ANLN: variants seen among roughly 807,000 people sequenced by gnomAD.
ANLN encodes the protein anillin.
A neutral mutation model predicts 135.1 loss-of-function variants in ANLN; 59 were observed. That is an observed-to-expected ratio of 0.44 (90% CI 0.35 to 0.54). The LOEUF (loss-of-function observed/expected upper bound fraction) is 0.54. Among genes scored for constraint, ANLN ranks in the 20% least tolerant of loss-of-function variants. The probability of loss-of-function intolerance (pLI) is 0.00; values close to 1 mark genes in which losing one functional copy is unlikely to be tolerated. For synonymous variants in ANLN, 406 were observed against 456.4 expected (o/e 0.89, Z 1.41); for missense variants, 1,182 against 1,340.0 (o/e 0.88, Z 1.84).
intron 3 of ANLN, among the ~76,000 whole-genome samples, chr7:36,405,524 C>T (rs1420487024): frequency 1.3e-5 from 2 of 152,182 alleles, no homozygotes; most frequent in African/African-American, 4.8e-5. Context: ...TGCTATGAAC[C>T]TTGGCTTCCC....
rs557557418 is a variant in ANLN, at chr7:36,444,859, A to G, written c.3078+997A>G. 1.8e-4 allele frequency among the ~76,000 whole-genome samples: 28 copies of G among 152,220 alleles called. 1 individual carries two copies. Among genetic ancestry groups the G allele is most frequent in the Admixed American group, 1.2e-3 (19 of 15,300 alleles). On this transcript the variant is annotated intron_variant, in intron 22 of 23. Transcript: ENST00000265748. ...AAATATTCTAACATCTTTCAGCATC[A>G]GTAAAGATAAGTCTAATGCTGTGTT... is the stretch of plus-strand genomic sequence containing the variant.
At chr7:36,421,193 A>AGCTC (rs1787861400) in intron 12 of ANLN, among the ~76,000 whole-genome samples, 1 of 151,528 alleles carries the variant, frequency 6.6e-6, no homozygotes, top group African/African-American at 2.4e-5. Context: ...TCAGCCTCCC[A>AGCTC]AGTAGCTGAG....
chr7:36,426,455 C>A (rs1788081341), intron 19 of ANLN, among the ~76,000 whole-genome samples: 1 of 152,104 alleles, frequency 6.6e-6, no homozygotes, highest in Non-Finnish European at 1.5e-5. Flanking sequence ...GAAAGGCCTT[C>A]TTTAGAATGA....
intron 7 of ANLN, among the ~76,000 whole-genome samples, chr7:36,412,670 T>G (rs1357853702): frequency 6.6e-6 from 1 of 152,118 alleles, no homozygotes; most frequent in African/African-American, 2.4e-5. Flanking sequence ...ATTCACTTGC[T>G]TAAAATCTTG....
chr7:36,406,638 G>T, intron 4 of ANLN, 72 bp downstream of exon 4: 1 of 1,311,018 alleles, frequency 7.6e-7, no homozygotes, highest in Non-Finnish European at 1.0e-6. Context: ...ACATCTGTGT[G>T]TATGTGCAGG....
chr7:36,431,505 G>A (rs1212040966), intron 20 of ANLN, among the ~76,000 whole-genome samples: 1 of 140,526 alleles, frequency 7.1e-6, no homozygotes, highest in African/African-American at 2.6e-5. Context: ...TGTTACTTTA[G>A]ATATCTGTCT....
chr7:36,443,297 C>T (rs995288884), intron 21 of ANLN, among the ~76,000 whole-genome samples: 4 of 152,112 alleles, frequency 2.6e-5, no homozygotes, highest in African/African-American at 9.7e-5. Flanking sequence ...CTTTTCTAAT[C>T]CTGTTAGAAA....
rs1787895478 is a variant in ANLN at position 36,421,999 on chromosome 7, G to T, written c.2299+7G>T. 1 of 1,609,436 alleles carries T rather than the reference G, an allele frequency of 6.2e-7. No individual in the cohort carries two copies. Among genetic ancestry groups the T allele is most frequent in the Non-Finnish European group, 8.5e-7 (1 of 1,178,652 alleles). The stretch of plus-strand genomic sequence containing the variant: ...AGACTTCTTCTAATTGCAAGTAAGT[G>T]TGATGCACCTGAAAGAGTTCCAACA... On this transcript the variant is annotated splice_region_variant and intron_variant, in intron 13 of 23. Coordinates refer to ENST00000265748, the MANE Select transcript of ANLN (RefSeq NM_018685.5).
intron 7 of ANLN, among the ~76,000 whole-genome samples, chr7:36,414,165 T>C (rs1787544540): frequency 6.6e-6 from 1 of 152,106 alleles, no homozygotes; most frequent in East Asian, 1.9e-4. Context: ...GAGGGTGGCG[T>C]GCAGGTGGTG....
chr7:36,452,649 A>C lies in ANLN; in HGVS notation c.*49A>C. 1 of 1,601,266 alleles carries C rather than the reference A, an allele frequency of 6.2e-7. No homozygotes were observed. The highest frequency in any genetic ancestry group is 8.5e-7 in the Non-Finnish European group (1 of 1,171,502). Reference sequence around the variant, plus strand: ...AGAGGTTTTTGATGTCATCTTAAGAAACACACTTAAGAGCATCAGATTTAC... The same window carrying C: ...AGAGGTTTTTGATGTCATCTTAAGACACACACTTAAGAGCATCAGATTTAC... On this transcript the variant is annotated 3_prime_UTR_variant, in exon 24 of 24. Transcript: ENST00000265748.
At chr7:36,401,924 A>T (rs1786968703) in intron 3 of ANLN, among the ~76,000 whole-genome samples, 1 of 116,554 alleles carries the variant, frequency 8.6e-6, no homozygotes, top group South Asian at 2.4e-4. Context: ...TTTCCATGGC[A>T]ATGACCCAAA....
At chr7:36,399,707 C>T (rs1369042377) in intron 3 of ANLN, among the ~76,000 whole-genome samples, 1 of 152,110 alleles carries the variant, frequency 6.6e-6, no homozygotes. Flanking sequence ...CCCTCAGCTC[C>T]ATGTTAAAGA....
At position 36,443,695 on chromosome 7, in the gene ANLN, T is replaced by TA. The variant is rs1788871644; in HGVS notation, c.2971-60_2971-59insA. On this transcript the variant is annotated intron_variant, in intron 21 of 23. Transcript: ENST00000265748. ...TACAGTTAGTGTACAGAATCAGCAT[T>TA]TCATTGTTAGGACATTTTCCTCAAC... 1.2e-5 allele frequency: 13 copies of TA among 1,118,988 alleles called. No individual in the cohort carries two copies. In the Admixed American group the frequency reaches 2.6e-4, roughly 22 times the overall value. The allele number at this position is 1,118,988 out of a possible 1,614,324, so 69.3% of individuals were successfully genotyped here. A position where few individuals can be genotyped will look rare whatever the true frequency, so the allele number is the denominator to read the frequency against.
At chr7:36,445,842 T>A (rs532569945) in intron 22 of ANLN, among the ~76,000 whole-genome samples, 1 of 152,344 alleles carries the variant, frequency 6.6e-6, no homozygotes, top group South Asian at 2.1e-4. Flanking sequence ...ACCAGGAGTA[T>A]TTGAAAGTTC....
In ANLN at chr7:36,422,007, C is replaced by T; in HGVS notation, c.2299+15C>T. On this transcript the variant is annotated intron_variant, in intron 13 of 23. Coordinates refer to ENST00000265748, the MANE Select transcript of ANLN (RefSeq NM_018685.5). Reference sequence around the variant, plus strand: ...TCTAATTGCAAGTAAGTGTGATGCACCTGAAAGAGTTCCAACAAATTTCTA... The same window carrying T: ...TCTAATTGCAAGTAAGTGTGATGCATCTGAAAGAGTTCCAACAAATTTCTA... 2 of 1,600,220 alleles carry T rather than the reference C, an allele frequency of 1.2e-6. No individual in the cohort carries two copies. The highest frequency in any genetic ancestry group is 1.3e-5 in the African/African-American group (1 of 74,134).
At chr7:36,429,616 A>C (rs1319783771) in intron 20 of ANLN, among the ~76,000 whole-genome samples, 1 of 152,182 alleles carries the variant, frequency 6.6e-6, no homozygotes, top group Non-Finnish European at 1.5e-5. Flanking sequence ...TTTTTATTTT[A>C]TTTTAAATTC....
At chr7:36,428,389 A>G in intron 20 of ANLN, 1 of 1,222,440 alleles carries the variant, frequency 8.2e-7, no homozygotes, top group Non-Finnish European at 1.1e-6. Flanking sequence ...GCTTGAAATT[A>G]ATGAGCTTAA....
rs1788915014 is a variant in ANLN, at chr7:36,444,592, T to C, written c.3078+730T>C. Among the ~76,000 whole-genome samples the C allele has an allele frequency of 2.6e-5, 4 of 152,262 alleles. No individual in the cohort carries two copies. In the South Asian group the frequency reaches 8.3e-4, roughly 32 times the overall value. The stretch of plus-strand genomic sequence containing the variant: ...TTTAATAATAGGATTTTGTGTAATA[T>C]ATCATGTTTTTAAAGAAGTTAATAT... On this transcript the variant is annotated intron_variant, in intron 22 of 23. Coordinates refer to ENST00000265748, the MANE Select transcript of ANLN (RefSeq NM_018685.5).
In ANLN at chr7:36,453,689, A is replaced by G. The variant is rs538933525; in HGVS notation, c.*1089A>G. ...ACACTAAATTCTGTCACCTCCTGTC[A>G]TTTTATTTTTTATTCATTCAAATGT... On this transcript the variant is annotated 3_prime_UTR_variant, in exon 24 of 24. Transcript: ENST00000265748. 6.6e-6 allele frequency: 1 copy of G among 152,522 alleles called. No individual in the cohort carries two copies. The highest frequency in any genetic ancestry group is 1.9e-4 in the East Asian group (1 of 5,182). The allele number at this position is 152,522 out of a possible 1,614,324, so 9.4% of individuals were successfully genotyped here.
Sources: allele counts gnomAD v4.1 joint callset (sites outside exome capture counted in the v4.1 genomes callset), GRCh38; gene constraint gnomAD v4.1.1; transcripts MANE v1.5; gene names NCBI Gene and HGNC (gene_info 2026-07-23, HGNC 2026-07-21).